GSN: variants seen among roughly 807,000 people sequenced by gnomAD.
The protein encoded by GSN is gelsolin.
GSN carries 56 observed loss-of-function variants against 85.7 expected under a neutral mutation model. That is an observed-to-expected ratio of 0.65 (90% CI 0.53 to 0.82). The LOEUF (loss-of-function observed/expected upper bound fraction) is 0.82, where lower values mean the gene tolerates loss of function less well. GSN is among the 40% of genes least tolerant of loss of function. GSN has a pLI of 0.00. For missense variants in GSN, 857 were observed against 979.8 expected, an observed-to-expected ratio of 0.87 and a Z score of 1.67; for synonymous variants, 373 against 399.1, an observed-to-expected ratio of 0.93 and a Z score of 0.78.
At chr9:121,228,778 T>G (rs2054328790) in intron 4 of GSN, among the ~76,000 whole-genome samples, 1 of 152,096 alleles carries the variant, frequency 6.6e-6, no homozygotes, top group Admixed American at 6.5e-5. Flanking sequence ...GAAAGAACAG[T>G]ACACACACAT....
At chr9:121,317,391 C>T in intron 8 of GSN, 173 bp downstream of exon 8, 1 of 722,248 alleles carries the variant, frequency 1.4e-6, no homozygotes, top group Non-Finnish European at 2.4e-6. Flanking sequence ...TGATCTTGGG[C>T]ACTTTACTTA....
chr9:121,320,027 G>T (rs1034982717), intron 10 of GSN, among the ~76,000 whole-genome samples: 2 of 152,190 alleles, frequency 1.3e-5, no homozygotes, highest in African/African-American at 4.8e-5. Flanking sequence ...AATATTTCGG[G>T]TGGGGCGGTG....
At chr9:121,203,246 CTG>C (rs1347299185), upstream of GSN, 1 of 152,176 alleles carries the variant, frequency 6.6e-6, no homozygotes, top group East Asian at 1.9e-4. Context: ...CTGTAGTGCA[CTG>C]TGTCACTAGA....
chr9:121,213,931 T>C (rs2054011322), intron 4 of GSN, among the ~76,000 whole-genome samples: 1 of 152,216 alleles, frequency 6.6e-6, no homozygotes, highest in Non-Finnish European at 1.5e-5. Flanking sequence ...TCGTACCTTC[T>C]TTTAGAGCAA....
intron 4 of GSN, among the ~76,000 whole-genome samples, chr9:121,224,963 C>T (rs975666038): frequency 2.0e-5 from 3 of 152,020 alleles, no homozygotes; most frequent in African/African-American, 4.8e-5. Flanking sequence ...GGACCACAGA[C>T]GCATGCCACT....
At chr9:121,260,550 TGTGCTGGGGCTA>T (rs1328730169) in intron 6 of GSN, among the ~76,000 whole-genome samples, 1 of 152,258 alleles carries the variant, frequency 6.6e-6, no homozygotes, top group African/African-American at 2.4e-5. Flanking sequence ...ACAGGAAACC[TGTGCTGGGGCTA>T]GTGCAGCACA....
upstream of GSN, among the ~76,000 whole-genome samples, chr9:121,206,983 T>C (rs2053891350): frequency 6.6e-6 from 1 of 152,220 alleles, no homozygotes; most frequent in Non-Finnish European, 1.5e-5. Flanking sequence ...TGAGACCTAC[T>C]GAGAAAACAT....
chr9:121,280,303 G>A (rs1037999814), intron 1 of GSN: 1 of 152,198 alleles, frequency 6.6e-6, no homozygotes, highest in Admixed American at 6.5e-5. Flanking sequence ...CATACTCCAC[G>A]ATGAGCTGAT....
chr9:121,211,407 A>G (rs2053966043), intron 4 of GSN, among the ~76,000 whole-genome samples: 1 of 152,272 alleles, frequency 6.6e-6, no homozygotes, highest in South Asian at 2.1e-4. Flanking sequence ...CACAAGTCTT[A>G]AAATGCCTTG....
intron 4 of GSN, among the ~76,000 whole-genome samples, chr9:121,221,130 C>T (rs182835216): frequency 4.3e-4 from 66 of 152,328 alleles, no homozygotes; most frequent in South Asian, 8.3e-4. Flanking sequence ...CGAGGAGGGG[C>T]GCCTCGGCCC....
At chr9:121,274,964 C>T (rs975180000) in intron 1 of GSN, among the ~76,000 whole-genome samples, 2 of 152,216 alleles carry the variant, frequency 1.3e-5, no homozygotes, top group South Asian at 4.1e-4. Flanking sequence ...AGCAAATAAT[C>T]TGTGTCATGC....
chr9:121,284,835 A>T (rs537292212), intron 2 of GSN: 1 of 167,414 alleles, frequency 6.0e-6, no homozygotes, highest in South Asian at 2.1e-4. Flanking sequence ...GGTGGATCAG[A>T]GGACAGCAGC....
intron 1 of GSN, among the ~76,000 whole-genome samples, chr9:121,276,304 G>A (rs1475052316): frequency 1.3e-5 from 2 of 152,204 alleles, no homozygotes. Flanking sequence ...CCTTGCTTTG[G>A]TAAGAAGCCC....
At chr9:121,290,456 A>G (rs536496520) in intron 2 of GSN, among the ~76,000 whole-genome samples, 194 of 152,338 alleles carry the variant, frequency 1.3e-3, no homozygotes, top group African/African-American at 4.6e-3. Flanking sequence ...AGCAATAAAA[A>G]TATCTTTGAA....
At chr9:121,239,143 A>G (rs909957111) in intron 5 of GSN, 1 of 345,840 alleles carries the variant, frequency 2.9e-6, no homozygotes, top group Non-Finnish European at 5.7e-6. Flanking sequence ...TATAGTGGCT[A>G]AGTCTGTATA....
upstream of GSN, among the ~76,000 whole-genome samples, chr9:121,264,326 A>T (rs1181460000): frequency 6.6e-6 from 1 of 152,002 alleles, no homozygotes; most frequent in African/African-American, 2.4e-5. Context: ...GGTGGGATGT[A>T]CCTGTGGTCC....
intron 2 of GSN, among the ~76,000 whole-genome samples, chr9:121,297,550 A>AT (rs2059336832): frequency 1.3e-5 from 2 of 152,032 alleles, no homozygotes; most frequent in Admixed American, 1.3e-4. Context: ...TTACCCTCTG[A>AT]TTTTTTAAGG....
chr9:121,269,422 G>C (rs1015514824), intron 1 of GSN, among the ~76,000 whole-genome samples: 1 of 152,164 alleles, frequency 6.6e-6, no homozygotes, highest in South Asian at 2.1e-4. Context: ...ACCCAATTCC[G>C]GTCTGCCGTT....
chr9:121,327,047 A>G (rs944582900), intron 13 of GSN: 1 of 670,974 alleles, frequency 1.5e-6, no homozygotes, highest in Admixed American at 2.0e-5. Flanking sequence ...TGGGACTCTC[A>G]CCTCCTTTGT....
Sources: gnomAD v4.1 joint callset for allele counts (sites outside exome capture counted in the v4.1 genomes callset) on GRCh38, gnomAD v4.1.1 for gene constraint, MANE v1.5 for transcripts, NCBI Gene and HGNC (gene_info 2026-07-23, HGNC 2026-07-21) for gene names.